The following TSPAN1 variants were observed in gnomAD, a reference collection of about 807,000 sequenced individuals.
TSPAN1 encodes the protein tetraspanin 1, also known as tetraspanin-1.
A neutral mutation model predicts 26.9 loss-of-function variants in TSPAN1; 23 were observed. That is an observed-to-expected ratio of 0.85 (90% confidence interval 0.62 to 1.21). The LOEUF is 1.21. Among genes scored for constraint, TSPAN1 ranks in the 50% most tolerant of loss-of-function variants. The pLI, the probability that TSPAN1 is intolerant of heterozygous loss-of-function variation, is 0.00. For missense variants in TSPAN1, 283 were observed against 298.4 expected (o/e 0.95, Z 0.38); for synonymous variants, 115 against 114.8 (o/e 1.00, Z -0.01).
rs370368119 is a variant in TSPAN1, at chr1:46,185,229, G to A, written c.599G>A (p.Cys200Tyr). ...QKAHDQKVEG[C>Y]FNQLLYDIRT... ...TGCTCTTTTCTCTTCCTGAAGGGTTGCTTCAATCAGCTTTTGTATGACATC... is the reference window on the plus strand; with the variant it reads ...TGCTCTTTTCTCTTCCTGAAGGGTTACTTCAATCAGCTTTTGTATGACATC... Residue 200 changes from cysteine to tyrosine, a missense_variant, in exon 8 of 9, where the codon TGC becomes TAC. By Grantham distance (194) the Cys-to-Tyr change is radical. Coordinates refer to ENST00000372003, the MANE Select transcript of TSPAN1 (RefSeq NM_005727.4). 5 of 1,614,188 alleles carry A rather than the reference G, an allele frequency of 3.1e-6. No homozygotes were observed. Among genetic ancestry groups the A allele is most frequent in the Non-Finnish European group, 4.2e-6 (5 of 1,180,040 alleles).
downstream of TSPAN1, chr1:46,188,684 C>G: frequency 1.3e-6 from 2 of 1,591,594 alleles, no homozygotes; most frequent in South Asian, 1.1e-5. Flanking sequence ...CAAGACATCC[C>G]CAGAGGGCTT....
At chr1:46,194,075 C>T in the TSPAN1 span, 2 of 1,534,396 alleles carry the variant, frequency 1.3e-6, no homozygotes, top group East Asian at 4.8e-5. Context: ...TCTCCACACA[C>T]TCAGCCCAAC....
downstream of TSPAN1, chr1:46,190,238 G>C (rs907361143): frequency 1.5e-6 from 1 of 657,458 alleles, no homozygotes; most frequent in African/African-American, 1.8e-5. Context: ...TAGAGACAGG[G>C]TTTCACCGTG....
At chr1:46,183,085 G>A (rs1050331602) in intron 3 of TSPAN1, among the ~76,000 whole-genome samples, 2 of 152,178 alleles carry the variant, frequency 1.3e-5, no homozygotes, top group African/African-American at 4.8e-5. Flanking sequence ...AAAGTGCGGG[G>A]ATTACAGGCA....
intron 1 of TSPAN1, chr1:46,176,535 A>G: frequency 6.6e-7 from 1 of 1,517,684 alleles, no homozygotes; most frequent in South Asian, 1.2e-5. Context: ...TGAGGCCTCT[A>G]TGACATACAA....
intron 3 of TSPAN1, chr1:46,183,861 C>T (rs1557665328): frequency 2.4e-6 from 1 of 416,090 alleles, no homozygotes; most frequent in Non-Finnish European, 4.5e-6. Context: ...GGAGGCTGGG[C>T]CCTCACCTGC....
the TSPAN1 span, chr1:46,193,548 C>T: frequency 4.3e-6 from 7 of 1,614,194 alleles, no homozygotes; most frequent in South Asian, 3.3e-5. Flanking sequence ...CGAGGCACCC[C>T]CCAAGTCCTG....
chr1:46,180,093 T>C (rs1657280744), intron 1 of TSPAN1, among the ~76,000 whole-genome samples: 1 of 152,208 alleles, frequency 6.6e-6, no homozygotes, highest in African/African-American at 2.4e-5. Flanking sequence ...TTAGTGTGCG[T>C]GTGTGCGCAC....
intron 6 of TSPAN1, 36 bp downstream of exon 6, chr1:46,184,919 A>T (rs1283036737): frequency 3.1e-5 from 50 of 1,613,918 alleles, no homozygotes; most frequent in Middle Eastern, 3.3e-4. Context: ...GGGTGGAGAG[A>T]AAGAAGCAAG....
chr1:46,194,988 C>T, the TSPAN1 span: 3 of 1,609,374 alleles, frequency 1.9e-6, no homozygotes, highest in Non-Finnish European at 2.6e-6. Flanking sequence ...GGCAGTTAGC[C>T]TGACTGGCAT....
At chr1:46,185,374 G>A in intron 8 of TSPAN1, 66 bp downstream of exon 8, 3 of 1,608,878 alleles carry the variant, frequency 1.9e-6, no homozygotes, top group East Asian at 4.5e-5. Context: ...ACCCATCTGA[G>A]GCCTCTCTGG....
chr1:46,190,532 G>T, downstream of TSPAN1: 1 of 1,599,828 alleles, frequency 6.3e-7, no homozygotes, highest in South Asian at 1.1e-5. Context: ...AGAGGAGGGA[G>T]AAATGGGTCA....
downstream of TSPAN1, chr1:46,189,475 G>A (rs1657570765): frequency 6.2e-7 from 1 of 1,613,654 alleles, no homozygotes; most frequent in Non-Finnish European, 8.5e-7. Context: ...GGGAAGCCGG[G>A]ACCCCCACCA....
At chr1:46,192,819 C>T in the TSPAN1 span, 1 of 1,599,700 alleles carries the variant, frequency 6.3e-7, no homozygotes, top group Non-Finnish European at 8.6e-7. Context: ...TCATGTCCTC[C>T]AGAAAGCTCT....
downstream of TSPAN1, chr1:46,189,961 T>C (rs2148167622): frequency 6.2e-7 from 1 of 1,614,142 alleles, no homozygotes; most frequent in African/African-American, 1.3e-5. Context: ...TCACAAGGGT[T>C]CTTGCTGTGG....
At chr1:46,186,020 G>A (rs911710690), downstream of TSPAN1, 2 of 163,960 alleles carry the variant, frequency 1.2e-5, no homozygotes, top group Admixed American at 1.1e-4. Context: ...GGATTCCTGT[G>A]GGGCTGCCAA....
intron 3 of TSPAN1, among the ~76,000 whole-genome samples, chr1:46,181,735 A>G (rs1275456238): frequency 6.6e-6 from 1 of 152,224 alleles, no homozygotes; most frequent in Non-Finnish European, 1.5e-5. Context: ...TAGGCAGATA[A>G]TAACAACACA....
At position 46,184,527 on chromosome 1, in the gene TSPAN1, G is replaced by A. The variant is rs12080689; in HGVS notation, c.265-67G>A. On this transcript the variant is annotated intron_variant, in intron 4 of 8. Transcript: ENST00000372003. ...CTTCTGTCTCACTTTTCCGGGGGGG[G>A]GATTAGGGCAAGGAGGGCATGAGGG... 1.4e-5 allele frequency: 23 copies of A among 1,605,436 alleles called. No homozygotes were observed. In the East Asian group the frequency reaches 3.3e-4, roughly 23 times the overall value.
intron 1 of TSPAN1, 88 bp downstream of exon 1, chr1:46,175,497 T>G (rs576254167): frequency 2.5e-6 from 1 of 398,460 alleles, no homozygotes; most frequent in Non-Finnish European, 4.4e-6. Flanking sequence ...TTGAGCAGAA[T>G]GACTGTATTT....
Sources: allele counts gnomAD v4.1 joint callset (sites outside exome capture counted in the v4.1 genomes callset), GRCh38; gene constraint gnomAD v4.1.1; transcripts MANE v1.5; gene names NCBI Gene and HGNC (gene_info 2026-07-23, HGNC 2026-07-21).